The following JAML variants were observed in gnomAD, a reference collection of about 807,000 sequenced individuals.
The protein encoded by JAML is junction adhesion molecule like.
Under a neutral mutation model 39.3 loss-of-function variants are expected in JAML, and 25 were observed. The observed-to-expected ratio is 0.64, with a 90% CI of 0.46 to 0.89. The LOEUF is 0.89. JAML is among the 40% of genes least tolerant of loss of function. JAML has a pLI of 0.00. For synonymous variants in JAML, 162 were observed against 179.2 expected (o/e 0.90, Z 0.77); for missense variants, 440 against 486.9 (o/e 0.90, Z 0.91).
chr11:118,199,937 C>T (rs1948742659), intron 7 of JAML, among the ~76,000 whole-genome samples: 1 of 152,060 alleles, frequency 6.6e-6, no homozygotes, highest in African/African-American at 2.4e-5. Flanking sequence ...ACCTCGTGAT[C>T]CGCCCGCCTT....
chr11:118,217,577 C>T (rs1408183110), intron 1 of JAML, among the ~76,000 whole-genome samples: 1 of 152,194 alleles, frequency 6.6e-6, no homozygotes, highest in Non-Finnish European at 1.5e-5. Flanking sequence ...GGGAAAATCA[C>T]CGGGCCTTGT....
At chr11:118,203,767 A>G (rs1172826199) in intron 5 of JAML, 102 bp from the exon 6 acceptor site, 3 of 906,336 alleles carry the variant, frequency 3.3e-6, no homozygotes, top group Non-Finnish European at 5.5e-6. Context: ...AGGCCCTGCT[A>G]GGTGAAGGCA....
intron 1 of JAML, among the ~76,000 whole-genome samples, chr11:118,220,155 G>A (rs1291604175): frequency 6.6e-6 from 1 of 152,144 alleles, no homozygotes; most frequent in African/African-American, 2.4e-5. Context: ...ATGAAGACAG[G>A]CAAACCTCCT....
At chr11:118,198,642 T>C (rs929515962) in intron 7 of JAML, among the ~76,000 whole-genome samples, 1 of 151,356 alleles carries the variant, frequency 6.6e-6, no homozygotes, top group Admixed American at 6.6e-5. Flanking sequence ...TGAACATACT[T>C]TCTTTTTTTC....
At chr11:118,214,945 A>G in intron 1 of JAML, 59 bp from the exon 2 acceptor site, 1 of 1,500,588 alleles carries the variant, frequency 6.7e-7, no homozygotes, top group Non-Finnish European at 9.3e-7. Context: ...TTAATTTAAA[A>G]AACCAATAGT....
chr11:118,202,593 C>A (rs1053258360), intron 6 of JAML: 3 of 214,900 alleles, frequency 1.4e-5, no homozygotes, highest in Non-Finnish European at 2.9e-5. Context: ...GCTGCATGAG[C>A]CCCCATAATG....
At chr11:118,217,379 C>T (rs960382126) in intron 1 of JAML, among the ~76,000 whole-genome samples, 7 of 152,242 alleles carry the variant, frequency 4.6e-5, no homozygotes, top group Non-Finnish European at 1.0e-4. Flanking sequence ...TCCAAACCAT[C>T]TTCAAACAAA....
Position 118,205,930 on chromosome 11 carries a change from C to G in JAML, c.486G>C (p.Val162=). The G allele has an allele frequency of 6.2e-7, 1 of 1,614,182 alleles. No homozygotes were observed. Among genetic ancestry groups the G allele is most frequent in the Non-Finnish European group, 8.5e-7 (1 of 1,180,024 alleles). The part of the protein sequence containing the change: ...QMGCVFQSTE[V]KHVTKVEWIF... ...TCCATTCTACCTTGGTCACGTGTTT[C>G]ACTTCTGTGCTCTGGAAAACACATC... The change falls in exon 5 of 10, where the codon GTG becomes GTC. Residue 162 remains valine, a synonymous_variant. Transcript: ENST00000356289.
chr11:118,203,268 G>A (rs1484580265), intron 6 of JAML, 160 bp downstream of exon 6: 5 of 767,186 alleles, frequency 6.5e-6, no homozygotes, highest in African/African-American at 1.7e-5. Context: ...CCACCTCTAA[G>A]GAGGCATCAT....
intron 2 of JAML, chr11:118,213,246 C>A: frequency 8.2e-7 from 1 of 1,223,828 alleles, no homozygotes; most frequent in Non-Finnish European, 1.0e-6. Flanking sequence ...CAAGAAAAAA[C>A]CATTACATGG....
In JAML at chr11:118,210,561, TCA is replaced by T; in HGVS notation, c.348_349del (p.Cys116Ter). On this transcript the variant is annotated stop_gained and frameshift_variant, in exon 4 of 10. Transcript: ENST00000356289. LOFTEE classifies it high-confidence loss of function. ...CTGGCTCTCCCCTTTGAGGCGGATT[TCA>T]CAGATATAGGTTCCCTGGTCAGCCT... is the stretch of plus-strand genomic sequence containing the variant. 2 of 1,614,204 alleles carry T rather than the reference TCA, an allele frequency of 1.2e-6. No individual in the cohort carries two copies. Among genetic ancestry groups the T allele is most frequent in the Non-Finnish European group, 1.7e-6 (2 of 1,180,018 alleles).
chr11:118,205,052 A>G (rs1331872147), intron 5 of JAML: 1 of 152,234 alleles, frequency 6.6e-6, no homozygotes, highest in African/African-American at 2.4e-5. Context: ...ATGTATGGCA[A>G]GCTCTCAGAG....
intron 2 of JAML, chr11:118,213,306 A>G (rs150576453): frequency 2.4e-5 from 25 of 1,045,216 alleles, no homozygotes; most frequent in Middle Eastern, 4.6e-4. Flanking sequence ...CAACAAAATC[A>G]AGAAAGATAC....
intron 6 of JAML, chr11:118,202,015 A>G (rs1003238662): frequency 6.6e-6 from 1 of 152,330 alleles, no homozygotes; most frequent in African/African-American, 2.4e-5. Context: ...CATAGAGTGC[A>G]TATAAATGCT....
intron 1 of JAML, among the ~76,000 whole-genome samples, chr11:118,220,044 C>T (rs965182241): frequency 2.0e-5 from 3 of 152,216 alleles, no homozygotes; most frequent in African/African-American, 7.2e-5. Context: ...GAGGAAAACC[C>T]TCTCCTACCT....
rs969547259 is a variant in JAML, at chr11:118,194,047, G to A, written c.*278C>T. 9.4e-5 allele frequency: 36 copies of A among 383,476 alleles called. No individual in the cohort carries two copies. The highest frequency in any genetic ancestry group is 1.3e-4 in the Non-Finnish European group (26 of 203,222). The allele number at this position is 383,476 out of a possible 1,614,324, so 23.8% of individuals were successfully genotyped here. A position where few individuals can be genotyped will look rare whatever the true frequency, so the allele number is the denominator to read the frequency against. ...TGCCCACAGGAGGGTCTGATCCAAC[G>A]GGGGGTTTGAGGCCACTCAGCTCAG... On this transcript the variant is annotated 3_prime_UTR_variant, in exon 10 of 10. Transcript: ENST00000356289.
At chr11:118,219,665 C>T (rs1439870350) in intron 1 of JAML, among the ~76,000 whole-genome samples, 1 of 152,230 alleles carries the variant, frequency 6.6e-6, no homozygotes, top group Non-Finnish European at 1.5e-5. Flanking sequence ...CTATGACTGT[C>T]TTGGTAAATA....
chr11:118,217,485 A>G (rs1949159349), intron 1 of JAML, among the ~76,000 whole-genome samples: 6 of 152,246 alleles, frequency 3.9e-5, no homozygotes, highest in African/African-American at 1.4e-4. Flanking sequence ...AGAAGCAATG[A>G]TTTTAGCGGA....
intron 9 of JAML, 102 bp from the exon 10 acceptor site, chr11:118,194,519 G>T: frequency 1.1e-6 from 1 of 895,052 alleles, no homozygotes; most frequent in Non-Finnish European, 1.8e-6. Context: ...GCCCGGCCCA[G>T]TACTGAATTT....
Sources: gnomAD v4.1 joint callset for allele counts (sites outside exome capture counted in the v4.1 genomes callset) on GRCh38, gnomAD v4.1.1 for gene constraint, MANE v1.5 for transcripts, NCBI Gene and HGNC (gene_info 2026-07-23, HGNC 2026-07-21) for gene names.